The following PIERCE2 variants were observed in gnomAD, a reference collection of about 807,000 sequenced individuals.
The protein encoded by PIERCE2 is piercer of microtubule wall 2 protein.
chr15:55,415,632 A>C, the PIERCE2 span, among the ~76,000 whole-genome samples: 12 of 152,124 alleles, frequency 7.9e-5, no homozygotes, highest in Admixed American at 2.0e-4. Flanking sequence ...AGCAGCGGGT[A>C]CGTGACTGGG....
At chr15:55,414,449 G>A in the PIERCE2 span, among the ~76,000 whole-genome samples, 1 of 148,616 alleles carries the variant, frequency 6.7e-6, no homozygotes, top group Non-Finnish European at 1.5e-5. Flanking sequence ...GACCTCAGGT[G>A]ATCCACCGCA....
the PIERCE2 span, among the ~76,000 whole-genome samples, chr15:55,414,194 G>T: frequency 8.1e-6 from 1 of 124,062 alleles, no homozygotes; most frequent in Non-Finnish European, 1.7e-5. Context: ...ACCGCGCCAG[G>T]CCTGGTTTTT....
At chr15:55,408,936 T>C in the PIERCE2 span, 2 of 582,968 alleles carry the variant, frequency 3.4e-6, no homozygotes, top group Non-Finnish European at 6.0e-6. Flanking sequence ...CACTTGTAAA[T>C]GCACGTTTCC....
chr15:55,416,488 CATATAT>C, the PIERCE2 span, among the ~76,000 whole-genome samples: 1 of 152,058 alleles, frequency 6.6e-6, no homozygotes, highest in Non-Finnish European at 1.5e-5. Context: ...TATAAAACTA[CATATAT>C]ATATTTAATT....
the PIERCE2 span, among the ~76,000 whole-genome samples, chr15:55,413,777 A>G: frequency 1.3e-5 from 2 of 151,810 alleles, no homozygotes; most frequent in East Asian, 3.9e-4. Flanking sequence ...AAAAAAAAAA[A>G]AAGACTGTTT....
chr15:55,412,475 A>G, the PIERCE2 span, among the ~76,000 whole-genome samples: 2 of 152,232 alleles, frequency 1.3e-5, no homozygotes, highest in African/African-American at 4.8e-5. Flanking sequence ...TTACAAACAA[A>G]TTTTAGGCAC....
the PIERCE2 span, chr15:55,417,718 A>C: frequency 4.7e-5 from 8 of 168,822 alleles, no homozygotes; most frequent in African/African-American, 1.9e-4. Context: ...TTTTAAGGGT[A>C]GTCTTCAACG....
the PIERCE2 span, among the ~76,000 whole-genome samples, chr15:55,415,502 G>C: frequency 6.6e-6 from 1 of 151,048 alleles, no homozygotes; most frequent in Non-Finnish European, 1.5e-5. Context: ...GGCTTTATTC[G>C]GCCATTCGGC....
chr15:55,416,783 A>ACCCT, the PIERCE2 span, among the ~76,000 whole-genome samples: 1 of 151,930 alleles, frequency 6.6e-6, no homozygotes, highest in African/African-American at 2.4e-5. Flanking sequence ...ACATGGTGAA[A>ACCCT]CCCTGTCTCT....
At chr15:55,416,704 A>T in the PIERCE2 span, among the ~76,000 whole-genome samples, 2 of 151,948 alleles carry the variant, frequency 1.3e-5, no homozygotes, top group Non-Finnish European at 2.9e-5. Context: ...CACACCTGTA[A>T]TCCCAACACT....
chr15:55,413,760 C>CAAAAAA, the PIERCE2 span, among the ~76,000 whole-genome samples: 1 of 111,458 alleles, frequency 9.0e-6, no homozygotes, highest in African/African-American at 3.0e-5. Flanking sequence ...AACTCCGTTT[C>CAAAAAA]AAAAAAAAAA....
the PIERCE2 span, chr15:55,417,584 T>C: frequency 6.6e-6 from 1 of 152,248 alleles, no homozygotes; most frequent in African/African-American, 2.4e-5. Flanking sequence ...AACTATGACT[T>C]TTACAGATTT....
the PIERCE2 span, chr15:55,410,956 C>G: frequency 6.6e-6 from 1 of 152,142 alleles, no homozygotes; most frequent in South Asian, 2.1e-4. Context: ...AATTAATAAG[C>G]AGTTTCAAAA....
chr15:55,409,923 A>G, the PIERCE2 span, among the ~76,000 whole-genome samples: 1 of 152,168 alleles, frequency 6.6e-6, no homozygotes, highest in African/African-American at 2.4e-5. Flanking sequence ...CCTTTTTATC[A>G]TTTAATAAAA....
chr15:55,414,221 T>C, the PIERCE2 span, among the ~76,000 whole-genome samples: 12,828 of 151,008 alleles, frequency 0.085, 588 homozygotes, highest in East Asian at 0.18. Context: ...TTTTTTTTTT[T>C]TTGAGACAGA....
the PIERCE2 span, among the ~76,000 whole-genome samples, chr15:55,411,404 C>G: frequency 6.6e-6 from 1 of 152,118 alleles, no homozygotes; most frequent in Non-Finnish European, 1.5e-5. Flanking sequence ...GCAGAGGTTA[C>G]AATGAGCTGC....
At chr15:55,412,778 CAAAAA>C in the PIERCE2 span, among the ~76,000 whole-genome samples, 1 of 150,488 alleles carries the variant, frequency 6.6e-6, no homozygotes, top group African/African-American at 2.4e-5. Flanking sequence ...ATCTCTGTCT[CAAAAA>C]AAAGAAAAAG....
At chr15:55,414,414 T>C in the PIERCE2 span, among the ~76,000 whole-genome samples, 1 of 151,562 alleles carries the variant, frequency 6.6e-6, no homozygotes, top group Non-Finnish European at 1.5e-5. Context: ...TTTCACCATG[T>C]TGGCCAGGCT....
the PIERCE2 span, among the ~76,000 whole-genome samples, chr15:55,415,294 CCT>C: frequency 3.0e-4 from 45 of 151,924 alleles, no homozygotes; most frequent in African/African-American, 1.0e-3. Flanking sequence ...ATGGTGAAAC[CCT>C]GTCTCCACTA....
Sources: allele counts gnomAD v4.1 joint callset (sites outside exome capture counted in the v4.1 genomes callset), GRCh38; gene constraint gnomAD v4.1.1; transcripts MANE v1.5; gene names NCBI Gene and HGNC (gene_info 2026-07-23, HGNC 2026-07-21).